The following C12orf60 variants were observed in gnomAD, a reference collection of about 807,000 sequenced individuals.
The protein encoded by C12orf60 is chromosome 12 open reading frame 60, also known as uncharacterized protein C12orf60.
For synonymous variants in C12orf60, 102 were observed against 94.6 expected, an observed-to-expected ratio of 1.08 and a Z score of -0.45; for missense variants, 284 against 283.2, an observed-to-expected ratio of 1.00 and a Z score of -0.02.
intron 1 of C12orf60, among the ~76,000 whole-genome samples, chr12:14,822,361 C>A (rs1421744264): frequency 6.6e-6 from 1 of 151,812 alleles, no homozygotes; most frequent in African/African-American, 2.4e-5. Context: ...GAAAAACACA[C>A]CCTCAAACAA....
At chr12:14,810,909 C>T (rs544795806) in intron 1 of C12orf60, among the ~76,000 whole-genome samples, 2 of 152,254 alleles carry the variant, frequency 1.3e-5, no homozygotes, top group East Asian at 3.9e-4. Context: ...TCTTAAAGAT[C>T]GTAGTTGTTA....
chr12:14,822,962 A>G lies in C12orf60; in HGVS notation c.27A>G (p.Lys9=). The G allele has an allele frequency of 3.1e-6, 5 of 1,600,132 alleles. No individual in the cohort carries two copies. The highest frequency in any genetic ancestry group is 4.3e-6 in the Non-Finnish European group (5 of 1,170,302). Residue 9 remains lysine (K), a synonymous_variant, in exon 2 of 2, where the codon AAA becomes AAG. Coordinates refer to ENST00000330828, the MANE Select transcript of C12orf60 (RefSeq NM_175874.4). MSSESEKD[K]ERLIQAAKMF... The stretch of plus-strand genomic sequence containing the variant: ...TGTCTTCAGAGTCAGAAAAGGATAA[A>G]GAGAGACTGATTCAAGCTGCCAAAA...
At chr12:14,808,908 A>G (rs1436047132) in intron 1 of C12orf60, among the ~76,000 whole-genome samples, 1 of 152,236 alleles carries the variant, frequency 6.6e-6, no homozygotes, top group Non-Finnish European at 1.5e-5. Flanking sequence ...AATATTCTCT[A>G]AACTTACAAT....
intron 1 of C12orf60, among the ~76,000 whole-genome samples, chr12:14,811,500 A>G (rs940114975): frequency 6.6e-6 from 1 of 152,226 alleles, no homozygotes; most frequent in Non-Finnish European, 1.5e-5. Flanking sequence ...GAAAGTGCTG[A>G]TGTCATTGGT....
At chr12:14,806,171 A>T (rs2137253054) in intron 1 of C12orf60, 1 of 1,614,156 alleles carries the variant, frequency 6.2e-7, no homozygotes, top group South Asian at 1.1e-5. Context: ...TATCTATGCC[A>T]AGGCCAAGAA....
chr12:14,812,276 CTACTAAAAA>C (rs1351353597), intron 1 of C12orf60, among the ~76,000 whole-genome samples: 1 of 152,098 alleles, frequency 6.6e-6, no homozygotes, highest in African/African-American at 2.4e-5. Flanking sequence ...AACCCCGTCT[CTACTAAAAA>C]TACAAAAAAT....
chr12:14,815,020 T>G (rs1318199979), intron 1 of C12orf60, among the ~76,000 whole-genome samples: 23 of 152,242 alleles, frequency 1.5e-4, no homozygotes, highest in Non-Finnish European at 1.5e-5. Flanking sequence ...AATGGGATAG[T>G]GTTTATAAAG....
chr12:14,806,096 A>G, intron 1 of C12orf60: 1 of 1,614,138 alleles, frequency 6.2e-7, no homozygotes, highest in Non-Finnish European at 8.5e-7. Flanking sequence ...GATGCTTCTC[A>G]TAACTTTTGA....
At chr12:14,810,664 T>G (rs1410339843) in intron 1 of C12orf60, among the ~76,000 whole-genome samples, 1 of 152,246 alleles carries the variant, frequency 6.6e-6, no homozygotes, top group Non-Finnish European at 1.5e-5. Context: ...TATAATATAT[T>G]GGCACTGTGG....
Position 14,823,174 on chromosome 12 carries a change from A to G in C12orf60, c.239A>G (p.Lys80Arg). 2 of 1,614,198 alleles carry G rather than the reference A, an allele frequency of 1.2e-6. No individual in the cohort carries two copies. The highest frequency in any genetic ancestry group is 2.7e-5 in the African/African-American group (2 of 75,060). Residue 80 changes from lysine to arginine, a missense_variant, in exon 2 of 2, where the codon AAA (lysine) becomes AGA (arginine). Physicochemically the swap from Lys to Arg is conservative, Grantham distance 26. Transcript: ENST00000330828. ...MQSVVDARHD[K>R]IQKESLCSKV... Reference sequence around the variant, plus strand: ...TCTGTAGTGGATGCAAGACATGACAAAATTCAAAAGGAGTCTTTATGTTCC... The same window carrying G: ...TCTGTAGTGGATGCAAGACATGACAGAATTCAAAAGGAGTCTTTATGTTCC...
At chr12:14,809,016 CG>C (rs1156947449) in intron 1 of C12orf60, among the ~76,000 whole-genome samples, 1 of 152,078 alleles carries the variant, frequency 6.6e-6, no homozygotes, top group Non-Finnish European at 1.5e-5. Context: ...TTTTGACTCC[CG>C]GTTTTCAGAT....
At chr12:14,807,548 C>T (rs1404958241) in intron 1 of C12orf60, among the ~76,000 whole-genome samples, 2 of 152,160 alleles carry the variant, frequency 1.3e-5, no homozygotes, top group Admixed American at 1.3e-4. Context: ...ATTCAAGTCA[C>T]TTTATATATC....
In C12orf60 at chr12:14,823,495, C is replaced by G. The variant is rs750001975; in HGVS notation, c.560C>G (p.Thr187Ser). 6.2e-7 allele frequency: 1 copy of G among 1,612,752 alleles called. No homozygotes were observed. Among genetic ancestry groups the G allele is most frequent in the Non-Finnish European group, 8.5e-7 (1 of 1,179,670 alleles). The change falls in exon 2 of 2, where the codon ACC becomes AGC. Residue 187 changes from threonine (T) to serine (S), a missense_variant. Thr to Ser is a moderately conservative substitution (Grantham distance 58). Coordinates refer to ENST00000330828, the MANE Select transcript of C12orf60 (RefSeq NM_175874.4). ...PGSSKTTMIDTLKKLQDVLKT... is the reference protein window; with the variant it reads ...PGSSKTTMIDSLKKLQDVLKT... ...TCTTCCAAAACCACTATGATAGACA[C>G]CTTGAAAAAACTGCAGGATGTACTA... is the stretch of plus-strand genomic sequence containing the variant.
chr12:14,811,710 T>C (rs1249768527), intron 1 of C12orf60, among the ~76,000 whole-genome samples: 3 of 152,248 alleles, frequency 2.0e-5, no homozygotes, highest in Admixed American at 6.5e-5. Context: ...TTTTAGTTTT[T>C]CAGAAAAGGA....
intron 1 of C12orf60, among the ~76,000 whole-genome samples, chr12:14,816,377 T>C (rs1401908583): frequency 1.3e-5 from 2 of 152,154 alleles, no homozygotes; most frequent in Admixed American, 1.3e-4. Context: ...ATATATTACA[T>C]GACCCTGAAT....
chr12:14,809,679 T>C (rs1950106556), intron 1 of C12orf60, among the ~76,000 whole-genome samples: 1 of 152,050 alleles, frequency 6.6e-6, no homozygotes, highest in Admixed American at 6.6e-5. Flanking sequence ...TTTTCAAATA[T>C]CGGTATGGAG....
intron 1 of C12orf60, among the ~76,000 whole-genome samples, chr12:14,821,682 T>C (rs945612060): frequency 6.6e-5 from 10 of 152,210 alleles, no homozygotes; most frequent in Admixed American, 6.5e-4. Context: ...CCAACAGTGC[T>C]ATTTTTTGGT....
chr12:14,821,992 T>G, intron 1 of C12orf60, among the ~76,000 whole-genome samples: 1 of 87,398 alleles, frequency 1.1e-5, no homozygotes, highest in Admixed American at 1.9e-4. Context: ...GCTGTACTTG[T>G]GAGGTGTGTG....
chr12:14,818,063 G>GCATTT (rs1262321788), intron 1 of C12orf60, among the ~76,000 whole-genome samples: 3 of 152,050 alleles, frequency 2.0e-5, no homozygotes, highest in Non-Finnish European at 2.9e-5. Flanking sequence ...GTTTTGATTT[G>GCATTT]CATTTCTCTG....
Sources: allele counts gnomAD v4.1 joint callset (sites outside exome capture counted in the v4.1 genomes callset), GRCh38; gene constraint gnomAD v4.1.1; transcripts MANE v1.5; gene names NCBI Gene and HGNC (gene_info 2026-07-23, HGNC 2026-07-21).